RPGRIP1: variants seen among roughly 807,000 people sequenced by gnomAD.
The protein encoded by RPGRIP1 is RPGR interacting protein 1, also known as X-linked retinitis pigmentosa GTPase regulator-interacting protein 1.
RPGRIP1 carries 128 observed loss-of-function variants against 157.9 expected under a neutral mutation model. The ratio of observed to expected loss-of-function variants is 0.81; its 90% confidence interval spans 0.70 to 0.94. The LOEUF (loss-of-function observed/expected upper bound fraction) is 0.94, where lower values mean the gene tolerates loss of function less well. Among genes scored for constraint, RPGRIP1 ranks in the 40% least tolerant of loss-of-function variants. The probability of loss-of-function intolerance (pLI) is 0.00; values close to 1 mark genes in which losing one functional copy is unlikely to be tolerated. For missense variants in RPGRIP1, 1,486 were observed against 1,545.8 expected, an observed-to-expected ratio of 0.96 and a Z score of 0.65; for synonymous variants, 554 against 571.6, an observed-to-expected ratio of 0.97 and a Z score of 0.44.
At chr14:21,336,061 T>A (rs570807645) in intron 21 of RPGRIP1, among the ~76,000 whole-genome samples, 37 of 152,278 alleles carry the variant, frequency 2.4e-4, no homozygotes, top group African/African-American at 8.9e-4. Flanking sequence ...AGGTAGATTG[T>A]GTAATATAAA....
intron 8 of RPGRIP1, 194 bp downstream of exon 8, chr14:21,310,801 A>C (rs181663715): frequency 1.5e-6 from 1 of 678,954 alleles, no homozygotes; most frequent in African/African-American, 1.8e-5. Flanking sequence ...CACTGTTTTC[A>C]TAAAAATTGA....
chr14:21,317,059 G>A (rs1881853930), intron 10 of RPGRIP1, among the ~76,000 whole-genome samples: 1 of 151,838 alleles, frequency 6.6e-6, no homozygotes, highest in Non-Finnish European at 1.5e-5. Context: ...GGCAGAGGTT[G>A]CAGTGAGCCA....
intron 7 of RPGRIP1, among the ~76,000 whole-genome samples, chr14:21,308,893 C>G (rs1881431472): frequency 6.6e-6 from 1 of 152,132 alleles, no homozygotes; most frequent in African/African-American, 2.4e-5. Context: ...CCCTCCTACC[C>G]TAGTCTTTTA....
At chr14:21,309,047 G>A (rs894688237) in intron 7 of RPGRIP1, among the ~76,000 whole-genome samples, 3 of 152,172 alleles carry the variant, frequency 2.0e-5, no homozygotes, top group Non-Finnish European at 2.9e-5. Context: ...CTAAAGACCT[G>A]TATTTGCATA....
chr14:21,295,739 T>G (rs554333143), intron 3 of RPGRIP1, among the ~76,000 whole-genome samples: 56 of 151,812 alleles, frequency 3.7e-4, no homozygotes, highest in African/African-American at 1.2e-3. Flanking sequence ...GCCTCCCAAA[T>G]TGCTGGGATT....
At position 21,324,612 on chromosome 14, in the gene RPGRIP1, C is replaced by T. The variant is rs1353791442; in HGVS notation, c.1763-6C>T. On this transcript the variant is annotated splice_polypyrimidine_tract_variant and splice_region_variant and intron_variant, in intron 14 of 24. Transcript: ENST00000400017. ...TAACGGATAGGCAGCTTTCTTTCCC[C>T]TCTAGAACAGCTCAAAGATGTTGCT... The T allele has an allele frequency of 6.2e-7, 1 of 1,611,768 alleles. No homozygotes were observed. The highest frequency in any genetic ancestry group is 8.5e-7 in the Non-Finnish European group (1 of 1,179,530).
intron 4 of RPGRIP1, among the ~76,000 whole-genome samples, chr14:21,301,884 CAAACA>C (rs1348350271): frequency 6.6e-6 from 1 of 151,524 alleles, no homozygotes; most frequent in Non-Finnish European, 1.5e-5. Flanking sequence ...CCTCAAAAAA[CAAACA>C]AAACAAAACC....
chr14:21,288,868 T>C (rs184452544), intron 2 of RPGRIP1, among the ~76,000 whole-genome samples: 1 of 152,254 alleles, frequency 6.6e-6, no homozygotes, highest in East Asian at 1.9e-4. Context: ...GAGGTAAAGC[T>C]AAATACTACC....
At chr14:21,337,706 T>G (rs1046712731) in intron 21 of RPGRIP1, among the ~76,000 whole-genome samples, 4 of 150,556 alleles carry the variant, frequency 2.7e-5, no homozygotes, top group Admixed American at 2.0e-4. Context: ...CCTCCCAAAG[T>G]GCTGGAATTT....
At chr14:21,307,254 A>ATGT (rs1195357764) in intron 6 of RPGRIP1, among the ~76,000 whole-genome samples, 3 of 151,554 alleles carry the variant, frequency 2.0e-5, no homozygotes, top group Non-Finnish European at 2.9e-5. Context: ...AGGTTTTGCC[A>ATGT]TGTTGCCCAG....
chr14:21,290,994 C>A (rs562568438), intron 2 of RPGRIP1, among the ~76,000 whole-genome samples: 13 of 144,990 alleles, frequency 9.0e-5, no homozygotes, highest in Non-Finnish European at 2.0e-4. Context: ...GAGCGAGACT[C>A]CATCTCAAAA....
At chr14:21,340,387 G>A (rs535841390) in intron 21 of RPGRIP1, among the ~76,000 whole-genome samples, 2 of 152,342 alleles carry the variant, frequency 1.3e-5, no homozygotes, top group South Asian at 4.1e-4. Context: ...GGGCGCAATG[G>A]CTCACGCCTG....
chr14:21,328,118 G>A (rs753248095), intron 18 of RPGRIP1, among the ~76,000 whole-genome samples: 9 of 151,940 alleles, frequency 5.9e-5, no homozygotes, highest in South Asian at 2.1e-4. Context: ...GCGGCGAGCC[G>A]AGATCACGCC....
At chr14:21,297,193 C>G (rs1332999249) in intron 3 of RPGRIP1, among the ~76,000 whole-genome samples, 1 of 151,984 alleles carries the variant, frequency 6.6e-6, no homozygotes, top group Non-Finnish European at 1.5e-5. Context: ...CTCCCGGGTT[C>G]AAGTGATTCT....
At chr14:21,322,121 C>A in intron 14 of RPGRIP1, 117 bp downstream of exon 14, 1 of 778,668 alleles carries the variant, frequency 1.3e-6, no homozygotes. Flanking sequence ...TATGACTTAT[C>A]CTTCTTGTTC....
intron 22 of RPGRIP1, among the ~76,000 whole-genome samples, chr14:21,343,450 TC>T (rs1594267792): frequency 6.6e-6 from 1 of 152,304 alleles, no homozygotes; most frequent in East Asian, 1.9e-4. Flanking sequence ...CTTCGCCTGT[TC>T]CCACCCTTCC....
At chr14:21,319,976 ATAAC>A in intron 11 of RPGRIP1, 37 bp from the exon 12 acceptor site, 1 of 1,566,640 alleles carries the variant, frequency 6.4e-7, no homozygotes, top group Non-Finnish European at 8.7e-7. Flanking sequence ...ATGGTGATAA[ATAAC>A]TACAGAATTT....
chr14:21,346,344 G>A (rs1461144049), intron 23 of RPGRIP1, among the ~76,000 whole-genome samples: 1 of 152,124 alleles, frequency 6.6e-6, no homozygotes, highest in African/African-American at 2.4e-5. Flanking sequence ...GAGGCCAGGA[G>A]TTTGAGACCA....
At position 21,317,688 on chromosome 14, in the gene RPGRIP1, A is replaced by G. The variant is rs1881906664; in HGVS notation, c.1152-8A>G. On this transcript the variant is annotated splice_region_variant and splice_polypyrimidine_tract_variant and intron_variant, in intron 10 of 24. Transcript: ENST00000400017. The stretch of plus-strand genomic sequence containing the variant: ...GTATCCATCTGAGAGCTTGCTTTCC[A>G]TTGCCAGCATGCTGGACAGCAGTGA... 11 of 1,578,214 alleles carry G rather than the reference A, an allele frequency of 7.0e-6. No homozygotes were observed. The highest frequency in any genetic ancestry group is 1.7e-4 in the Middle Eastern group (1 of 6,024).
Sources: allele counts gnomAD v4.1 joint callset (sites outside exome capture counted in the v4.1 genomes callset), GRCh38; gene constraint gnomAD v4.1.1; transcripts MANE v1.5; gene names NCBI Gene and HGNC (gene_info 2026-07-23, HGNC 2026-07-21).